Variants in EHD4 observed in about 807,000 individuals in gnomAD.
EHD4 encodes EH domain-containing protein 4.
A neutral mutation model predicts 51.0 loss-of-function variants in EHD4; 37 were observed. The ratio of observed to expected loss-of-function variants is 0.73; its 90% CI spans 0.56 to 0.95. The LOEUF (loss-of-function observed/expected upper bound fraction) is 0.95, where lower values mean the gene tolerates loss of function less well. Ranked by LOEUF, EHD4 falls within the 40% of genes least tolerant of loss-of-function variation. The pLI, the probability that EHD4 is intolerant of heterozygous loss-of-function variation, is 0.00. For synonymous variants in EHD4, 297 were observed against 317.3 expected, an observed-to-expected ratio of 0.94 and a Z score of 0.68; for missense variants, 632 against 733.1, an observed-to-expected ratio of 0.86 and a Z score of 1.59.
intron 3 of EHD4, among the ~76,000 whole-genome samples, chr15:41,929,834 G>A (rs937548829): frequency 3.3e-5 from 5 of 152,144 alleles, no homozygotes; most frequent in Admixed American, 2.0e-4. Flanking sequence ...CAGGAAAATC[G>A]ATTTAGCTCA....
chr15:41,903,554 A>G (rs1168703435), intron 5 of EHD4, among the ~76,000 whole-genome samples: 2 of 152,036 alleles, frequency 1.3e-5, no homozygotes, highest in Non-Finnish European at 2.9e-5. Context: ...TAATTTTTAC[A>G]TAACCTTTCT....
intron 1 of EHD4, among the ~76,000 whole-genome samples, chr15:41,954,856 C>T (rs957891629): frequency 6.6e-6 from 1 of 152,190 alleles, no homozygotes; most frequent in African/African-American, 2.4e-5. Context: ...TCTTGAATGC[C>T]TGGGCTCAAG....
intron 4 of EHD4, among the ~76,000 whole-genome samples, chr15:41,910,395 T>C (rs1421114864): frequency 3.9e-5 from 6 of 152,192 alleles, no homozygotes; most frequent in African/African-American, 1.4e-4. Context: ...TCAGGCTGGA[T>C]GGCAGAAGAT....
At chr15:41,970,965 T>C (rs1244132109) in intron 1 of EHD4, among the ~76,000 whole-genome samples, 1 of 152,260 alleles carries the variant, frequency 6.6e-6, no homozygotes, top group African/African-American at 2.4e-5. Context: ...TGGGTGACGG[T>C]GACATATTTA....
At chr15:41,905,349 G>A (rs1168837895) in intron 5 of EHD4, among the ~76,000 whole-genome samples, 2 of 152,192 alleles carry the variant, frequency 1.3e-5, no homozygotes, top group East Asian at 1.9e-4. Context: ...GGGTTGGCAC[G>A]GGGAACCCCT....
rs555780580 is a variant in EHD4 at position 41,900,457 on chromosome 15, G to T, written c.*188C>A. The T allele has an allele frequency of 7.7e-5, 48 of 619,648 alleles. No individual in the cohort carries two copies. Among genetic ancestry groups the T allele is most frequent in the Non-Finnish European group, 1.3e-4 (48 of 362,354 alleles). 38.4% of individuals were successfully genotyped at this position (619,648 alleles called of 1,614,324 possible). A position where few individuals can be genotyped will look rare whatever the true frequency, so the allele number is the denominator to read the frequency against. On this transcript the variant is annotated 3_prime_UTR_variant, in exon 6 of 6. Transcript: ENST00000220325. The surrounding 1 kb of genome is among the most constrained non-coding windows in gnomAD (Gnocchi z 4.8). ...CCCCCCTACCCCCAATATTTTCATA[G>T]AAACTAAGGGAATTTTGGAGGTGAA...
chr15:41,916,062 A>G (rs751881304), intron 4 of EHD4, among the ~76,000 whole-genome samples: 9 of 152,222 alleles, frequency 5.9e-5, no homozygotes, highest in Non-Finnish European at 1.5e-5. Context: ...CTGGTTAATT[A>G]TGGTGTTCTA....
chr15:41,931,180 G>A (rs937338102), intron 3 of EHD4, among the ~76,000 whole-genome samples: 1 of 152,132 alleles, frequency 6.6e-6, no homozygotes, highest in East Asian at 1.9e-4. Context: ...AAGAAAAATT[G>A]TATATATTTA....
chr15:41,944,433 T>C (rs2067797588), intron 2 of EHD4, among the ~76,000 whole-genome samples: 1 of 152,156 alleles, frequency 6.6e-6, no homozygotes, highest in African/African-American at 2.4e-5. Context: ...AGCTCAATTC[T>C]TCCGTACGAT....
chr15:41,907,992 C>T (rs527812034), intron 5 of EHD4, among the ~76,000 whole-genome samples: 1 of 152,080 alleles, frequency 6.6e-6, no homozygotes, highest in African/African-American at 2.4e-5. Context: ...CCTGCCTCAG[C>T]CTCCAAAGTA....
intron 4 of EHD4, among the ~76,000 whole-genome samples, chr15:41,911,324 T>C (rs545036275): frequency 6.6e-6 from 1 of 152,256 alleles, no homozygotes; most frequent in Non-Finnish European, 1.5e-5. Flanking sequence ...ATTTTTCAAA[T>C]GAAGACAATT....
intron 1 of EHD4, among the ~76,000 whole-genome samples, chr15:41,967,142 CCA>C (rs1211908325): frequency 6.6e-6 from 1 of 152,216 alleles, no homozygotes; most frequent in Non-Finnish European, 1.5e-5. Context: ...GCTGTACTCC[CCA>C]GTTACCCCAG....
At chr15:41,916,408 C>T (rs1391595563) in intron 4 of EHD4, among the ~76,000 whole-genome samples, 1 of 152,104 alleles carries the variant, frequency 6.6e-6, no homozygotes, top group African/African-American at 2.4e-5. Context: ...CTTCCGTTCC[C>T]TCAGGTGGGA....
intron 3 of EHD4, among the ~76,000 whole-genome samples, chr15:41,924,414 C>G (rs1004837227): frequency 1.3e-5 from 2 of 152,188 alleles, no homozygotes; most frequent in Non-Finnish European, 2.9e-5. Flanking sequence ...TCTGTAATAA[C>G]AGTGTCTTGG....
chr15:41,942,816 T>TCG (rs1481730471), intron 3 of EHD4: 31 of 385,218 alleles, frequency 8.0e-5, no homozygotes, highest in African/African-American at 6.2e-4. Context: ...ATACCTCCCA[T>TCG]TGTTTACCCC....
chr15:41,907,878 T>TGTGTGTGTA (rs1567243923), intron 5 of EHD4, among the ~76,000 whole-genome samples: 6 of 134,016 alleles, frequency 4.5e-5, no homozygotes, highest in Non-Finnish European at 9.9e-5. Flanking sequence ...GTGTATATAT[T>TGTGTGTGTA]TATTTATTTT....
chr15:41,950,588 A>ATT (rs1324147468), intron 2 of EHD4, among the ~76,000 whole-genome samples: 1 of 152,216 alleles, frequency 6.6e-6, no homozygotes, highest in Non-Finnish European at 1.5e-5. Flanking sequence ...TCTTTCTTAA[A>ATT]TAACTGCTGT....
chr15:41,922,525 C>T (rs907168054), intron 3 of EHD4, among the ~76,000 whole-genome samples: 1 of 152,256 alleles, frequency 6.6e-6, no homozygotes, highest in African/African-American at 2.4e-5. Flanking sequence ...GCTGCTGCTG[C>T]TAGCTGCGCT....
rs1356724082 is a variant in EHD4 at position 41,899,663 on chromosome 15, G to A, written c.*982C>T. The A allele has an allele frequency of 6.6e-6, 1 of 152,088 alleles. No homozygotes were observed. The highest frequency in any genetic ancestry group is 2.4e-5 in the African/African-American group (1 of 41,384). 9.4% of individuals were successfully genotyped at this position (152,088 alleles called of 1,614,324 possible). Reference sequence around the variant, plus strand: ...AGGGCCGAAGACACTGCACACACTAGGACAGGATTTGATTGAATTTAAATC... The same window carrying A: ...AGGGCCGAAGACACTGCACACACTAAGACAGGATTTGATTGAATTTAAATC... On this transcript the variant is annotated 3_prime_UTR_variant, in exon 6 of 6. Transcript: ENST00000220325.
Sources: gnomAD v4.1 joint callset for allele counts (sites outside exome capture counted in the v4.1 genomes callset) on GRCh38, gnomAD v4.1.1 for gene constraint, Gnocchi (gnomAD v3.1) non-coding constraint, MANE v1.5 for transcripts, NCBI Gene and HGNC (gene_info 2026-07-23, HGNC 2026-07-21) for gene names.